ERBB4: variants seen among roughly 807,000 people sequenced by gnomAD.
The protein encoded by ERBB4 is receptor tyrosine-protein kinase erbB-4.
Under a neutral mutation model 158.0 loss-of-function variants are expected in ERBB4, and 42 were observed. The ratio of observed to expected loss-of-function variants is 0.27; its 90% CI spans 0.21 to 0.34. The LOEUF is 0.34. Ranked by LOEUF, ERBB4 falls within the 10% of genes least tolerant of loss-of-function variation. The pLI is 1.00. For synonymous variants in ERBB4, 583 were observed against 558.7 expected (o/e 1.04, Z -0.61); for missense variants, 1,333 against 1,624.1 (o/e 0.82, Z 3.08).
At chr2:212,384,429 A>G (rs980444008) in intron 1 of ERBB4, among the ~76,000 whole-genome samples, 9 of 151,560 alleles carry the variant, frequency 5.9e-5, no homozygotes, top group Non-Finnish European at 1.2e-4. Context: ...TATATAAGAA[A>G]AGGGGCTCTT....
chr2:211,560,639 C>T (rs555234164), intron 20 of ERBB4, among the ~76,000 whole-genome samples: 19 of 152,180 alleles, frequency 1.2e-4, no homozygotes, highest in African/African-American at 3.4e-4. Context: ...GCATATTTAA[C>T]TCACCTTATA....
intron 7 of ERBB4, 136 bp downstream of exon 7, chr2:211,722,257 A>AATGGGG: frequency 1.4e-6 from 1 of 689,880 alleles, no homozygotes; most frequent in Non-Finnish European, 2.5e-6. Flanking sequence ...TTATTTATAA[A>AATGGGG]ATGGGGGCAA....
chr2:212,284,430 C>A (rs2085881276), intron 1 of ERBB4, among the ~76,000 whole-genome samples: 1 of 152,034 alleles, frequency 6.6e-6, no homozygotes, highest in South Asian at 2.1e-4. Context: ...CTTTTACCAG[C>A]CTAATTTTGT....
chr2:211,474,422 C>T (rs527588952), intron 20 of ERBB4, among the ~76,000 whole-genome samples: 1 of 151,904 alleles, frequency 6.6e-6, no homozygotes, highest in African/African-American at 2.4e-5. Flanking sequence ...GCCAGGATTT[C>T]GTGTAAGACA....
chr2:212,277,846 G>A (rs758793467), intron 1 of ERBB4, among the ~76,000 whole-genome samples: 9 of 151,546 alleles, frequency 5.9e-5, no homozygotes, highest in Non-Finnish European at 1.3e-4. Context: ...TAAATAAATT[G>A]TGGAAATCAG....
intron 2 of ERBB4, among the ~76,000 whole-genome samples, chr2:211,968,279 T>C (rs544146434): frequency 1.2e-3 from 178 of 152,158 alleles, no homozygotes; most frequent in African/African-American, 3.8e-3. Flanking sequence ...CATGAATGGT[T>C]TAGGGGCATA....
intron 3 of ERBB4, among the ~76,000 whole-genome samples, chr2:211,799,179 T>C (rs2076445226): frequency 6.6e-6 from 1 of 152,140 alleles, no homozygotes; most frequent in South Asian, 2.1e-4. Flanking sequence ...ATTTTTACAG[T>C]AGAATAATGA....
chr2:211,797,818 A>T (rs890852388), intron 3 of ERBB4, among the ~76,000 whole-genome samples: 22 of 151,998 alleles, frequency 1.4e-4, no homozygotes, highest in African/African-American at 5.3e-4. Context: ...CGAAGGTCCA[A>T]ATTAATTTTC....
At chr2:211,611,682 C>G (rs1218772289) in intron 19 of ERBB4, among the ~76,000 whole-genome samples, 1 of 152,110 alleles carries the variant, frequency 6.6e-6, no homozygotes, top group Non-Finnish European at 1.5e-5. Context: ...CTTGTATTCT[C>G]ACTCTTACTG....
intron 1 of ERBB4, among the ~76,000 whole-genome samples, chr2:212,151,025 C>T (rs2080850349): frequency 6.6e-6 from 1 of 152,018 alleles, no homozygotes; most frequent in South Asian, 2.1e-4. Flanking sequence ...AAGGTTACTG[C>T]AATCAAGTCT....
intron 3 of ERBB4, among the ~76,000 whole-genome samples, chr2:211,816,568 T>C (rs893727896): frequency 2.7e-5 from 4 of 146,220 alleles, no homozygotes; most frequent in African/African-American, 1.0e-4. Flanking sequence ...AAAAAAGATA[T>C]CTTAATGTGT....
chr2:211,378,273 G>A lies in ERBB4; in HGVS notation c.*5342C>T, dbSNP rs191140505. ...CAGAGGAAGCATGTGAATACCCCCC[G>A]TGAAATTGGGGCTTAGAGTCATTTT... On this transcript the variant is annotated 3_prime_UTR_variant, in exon 28 of 28. Coordinates refer to ENST00000342788, the MANE Select transcript of ERBB4 (RefSeq NM_005235.3). 1.2e-4 allele frequency: 28 copies of A among 232,778 alleles called. No homozygotes were observed. The highest frequency in any genetic ancestry group is 1.1e-3 in the East Asian group (19 of 16,542). The allele number at this position is 232,778 out of a possible 1,614,324, so 14.4% of individuals were successfully genotyped here.
At position 212,298,532 on chromosome 2, in the gene ERBB4, T is replaced by C. The variant is rs555859329; in HGVS notation, c.83-173629A>G. 3.8e-4 allele frequency among the ~76,000 whole-genome samples: 58 copies of C among 151,492 alleles called. 1 individual carries two copies. The highest frequency in any genetic ancestry group is 6.5e-4 in the Non-Finnish European group (44 of 67,734). ...CTCAGCCCCTGTCAAGTCTGCAGAG[T>C]CCTTTCAAGAAGCTCACTGTAGGCA... On this transcript the variant is annotated intron_variant, in intron 1 of 27. Transcript: ENST00000342788.
chr2:212,259,816 T>A (rs2084868297), intron 1 of ERBB4, among the ~76,000 whole-genome samples: 1 of 152,154 alleles, frequency 6.6e-6, no homozygotes, highest in African/African-American at 2.4e-5. Flanking sequence ...ACGCTTGTAA[T>A]CCCAGCACTT....
chr2:212,162,499 T>C (rs2081232134), intron 1 of ERBB4, among the ~76,000 whole-genome samples: 1 of 151,868 alleles, frequency 6.6e-6, no homozygotes, highest in African/African-American at 2.4e-5. Context: ...ACTACACAAT[T>C]GCATGTATTT....
chr2:211,662,598 G>A (rs2071470600), intron 15 of ERBB4, among the ~76,000 whole-genome samples: 2 of 152,114 alleles, frequency 1.3e-5, no homozygotes, highest in East Asian at 1.9e-4. Context: ...AGAAAAGGCT[G>A]TTAAAATAAA....
chr2:211,913,042 T>A (rs891753160), intron 3 of ERBB4, among the ~76,000 whole-genome samples: 2 of 152,138 alleles, frequency 1.3e-5, no homozygotes, highest in Admixed American at 6.5e-5. Flanking sequence ...AGATGGTATA[T>A]AAGCTTCTGT....
In ERBB4 at chr2:212,446,577, CCATATATATATATGTATATATATATATA is replaced by C. The variant is rs1320189922; in HGVS notation, c.82+91844_82+91871del. Among the ~76,000 whole-genome samples the C allele has an allele frequency of 7.5e-4, 27 of 36,056 alleles. 1 individual carries two copies. Among genetic ancestry groups the C allele is most frequent in the Admixed American group, 8.1e-4 (2 of 2,484 alleles). 23.7% of individuals were successfully genotyped at this position (36,056 alleles called of 152,430 possible). On this transcript the variant is annotated intron_variant, in intron 1 of 27. Transcript: ENST00000342788. ...ATGTAAGTTAATACTTAATAAACTC[CCATATATATATATGTATATATATATATA>C]TATATATATATATATATATATATAT...
At chr2:212,091,098 C>T (rs551329491) in intron 2 of ERBB4, among the ~76,000 whole-genome samples, 5 of 151,008 alleles carry the variant, frequency 3.3e-5, no homozygotes, top group South Asian at 4.2e-4. Context: ...TTTCTGTATA[C>T]AAAATGTGTA....
Sources: gnomAD v4.1 joint callset for allele counts (sites outside exome capture counted in the v4.1 genomes callset) on GRCh38, gnomAD v4.1.1 for gene constraint, MANE v1.5 for transcripts, NCBI Gene and HGNC (gene_info 2026-07-23, HGNC 2026-07-21) for gene names.